LGALS12: variants seen among roughly 807,000 people sequenced by gnomAD.
LGALS12 encodes galectin-12.
LGALS12 carries 36 observed loss-of-function variants against 36.8 expected under a neutral mutation model. The observed-to-expected ratio is 0.98, with a 90% CI of 0.75 to 1.29. The LOEUF is 1.29. LGALS12 is among the 50% of genes most tolerant of loss of function. The pLI, the probability that LGALS12 is intolerant of heterozygous loss-of-function variation, is 0.00. For synonymous variants in LGALS12, 145 were observed against 155.9 expected (o/e 0.93, Z 0.52); for missense variants, 366 against 394.3 (o/e 0.93, Z 0.61).
In LGALS12 at chr11:63,506,273, C is replaced by A; in HGVS notation, c.-186C>A. ...ACCGGGAGTGGGGCTGGTGTGGAGC[C>A]TGGAGGTCGCCCGCTGCCCTCCTAG... On this transcript the variant is annotated 5_prime_UTR_variant, in exon 1 of 9. It adds an upstream start codon to the 5' untranslated region. Transcript: ENST00000394618. The A allele has an allele frequency of 9.2e-7, 1 of 1,084,194 alleles. No individual in the cohort carries two copies. Among genetic ancestry groups the A allele is most frequent in the South Asian group, 1.7e-5 (1 of 57,318 alleles). The allele number at this position is 1,084,194 out of a possible 1,614,324, so 67.2% of individuals were successfully genotyped here.
At chr11:63,516,175 T>C (rs2017076055) in intron 8 of LGALS12, 72 bp from the exon 9 acceptor site, 3 of 1,505,024 alleles carry the variant, frequency 2.0e-6, no homozygotes, top group Non-Finnish European at 2.6e-6. Flanking sequence ...AGGGTCTCAC[T>C]GGAGAGAGCG....
rs116983600 is a variant in LGALS12 at position 63,506,250 on chromosome 11, C to T, written c.-209C>T. 0.013 allele frequency: 10,375 copies of T among 825,954 alleles called. 105 individuals are homozygous for T. The highest frequency in any genetic ancestry group is 0.017 in the Non-Finnish European group (8,897 of 534,668). 51.2% of individuals were successfully genotyped at this position (825,954 alleles called of 1,614,324 possible). On this transcript the variant is annotated 5_prime_UTR_variant, in exon 1 of 9. Coordinates refer to ENST00000394618, the MANE Select transcript of LGALS12 (RefSeq NM_033101.4). ...CAGCCAGAGCTCTGCTGTATACCAC[C>T]GGGAGTGGGGCTGGTGTGGAGCCTG...
intron 7 of LGALS12, among the ~76,000 whole-genome samples, chr11:63,514,862 C>A (rs597671): frequency 6.6e-6 from 1 of 150,864 alleles, no homozygotes; most frequent in Non-Finnish European, 1.5e-5. Context: ...CATACATTAT[C>A]TCCTTTGTTC....
At position 63,511,782 on chromosome 11, in the gene LGALS12, G is replaced by T. The variant is rs1024681240; in HGVS notation, c.589G>T (p.Gly197Cys). 6.2e-7 allele frequency: 1 copy of T among 1,613,674 alleles called. No individual in the cohort carries two copies. Among genetic ancestry groups the T allele is most frequent in the Middle Eastern group, 1.6e-4 (1 of 6,062 alleles). ...EVPCSHALPQ[G>C]LSPGQVIIVR... ...GCCCTGCTCACATGCTCTTCCCCAG[G>T]GTCTCTCGCCTGGGCAGGTCATCAT... Residue 197 changes from glycine to cysteine, a missense_variant, in exon 7 of 9, where the codon GGT becomes TGT. Coordinates refer to ENST00000394618, the MANE Select transcript of LGALS12 (RefSeq NM_033101.4).
At position 63,516,592 on chromosome 11, in the gene LGALS12, C is replaced by T; in HGVS notation, c.*199C>T. The T allele has an allele frequency of 1.6e-6, 1 of 615,420 alleles. No homozygotes were observed. Among genetic ancestry groups the T allele is most frequent in the South Asian group, 2.0e-5 (1 of 50,972 alleles). 38.1% of individuals were successfully genotyped at this position (615,420 alleles called of 1,614,324 possible). On this transcript the variant is annotated 3_prime_UTR_variant, in exon 9 of 9. Transcript: ENST00000394618. Reference sequence around the variant, plus strand: ...GTGCAAAGGTTCCTCGAACTCTGCACCTTCCTCCACCAGGAGCCTGGGATA... The same window carrying T: ...GTGCAAAGGTTCCTCGAACTCTGCATCTTCCTCCACCAGGAGCCTGGGATA...
chr11:63,508,282 C>G, intron 1 of LGALS12: 1 of 1,317,682 alleles, frequency 7.6e-7, no homozygotes, highest in Non-Finnish European at 9.7e-7. Flanking sequence ...GTCCTAGGAG[C>G]TGGGGAAAGG....
chr11:63,511,709 C>T (rs752748546), intron 6 of LGALS12, 43 bp from the exon 7 acceptor site: 6 of 1,450,956 alleles, frequency 4.1e-6, no homozygotes, highest in African/African-American at 2.8e-5. Context: ...CCTCCCCAGT[C>T]CCCCTGGAAG....
chr11:63,515,503 T>A, intron 7 of LGALS12, 60 bp from the exon 8 acceptor site: 1 of 1,589,604 alleles, frequency 6.3e-7, no homozygotes, highest in African/African-American at 1.3e-5. Flanking sequence ...CCCTGGGGGC[T>A]GAGCAGCGGC....
chr11:63,513,760 A>G (rs1364301647), intron 7 of LGALS12, among the ~76,000 whole-genome samples: 2 of 152,164 alleles, frequency 1.3e-5, no homozygotes, highest in Admixed American at 1.3e-4. Context: ...TCTTCACCTC[A>G]TCCCTTCCCT....
chr11:63,511,681 C>A, intron 6 of LGALS12, 71 bp from the exon 7 acceptor site: 2 of 1,090,730 alleles, frequency 1.8e-6, no homozygotes, highest in African/African-American at 1.5e-5. Context: ...GCTCCCCTGG[C>A]CCCCGGGGAT....
At chr11:63,508,100 G>A (rs1203662487) in intron 1 of LGALS12, 2 of 1,022,240 alleles carry the variant, frequency 2.0e-6, no homozygotes, top group East Asian at 9.4e-5. Flanking sequence ...GCCTCTCCAG[G>A]GGTCCATTTC....
chr11:63,511,839 C>A lies in LGALS12; in HGVS notation c.646C>A (p.His216Asn), dbSNP rs34353827. 2,669 of 1,605,994 alleles carry A rather than the reference C, an allele frequency of 1.7e-3. 36 individuals carry two copies. In the African/African-American group the frequency reaches 0.029, roughly 18 times the overall value. Residue 216 changes from histidine to asparagine, a missense_variant and splice_region_variant, in exon 7 of 9, where the codon CAT (histidine) becomes AAT (asparagine). Coordinates refer to ENST00000394618, the MANE Select transcript of LGALS12 (RefSeq NM_033101.4). Reference protein sequence around the residue: ...VRGLVLQEPKHFTVSLRDQAA... With the variant: ...VRGLVLQEPKNFTVSLRDQAA... Reference sequence around the variant, plus strand: ...GGGACTGGTCTTGCAAGAGCCGAAGCAGTAAGTATCCAGCATCTAAGTGGA... The same window carrying A: ...GGGACTGGTCTTGCAAGAGCCGAAGAAGTAAGTATCCAGCATCTAAGTGGA...
intron 1 of LGALS12, chr11:63,508,105 C>T: frequency 9.8e-7 from 1 of 1,023,350 alleles, no homozygotes; most frequent in Non-Finnish European, 1.2e-6. Context: ...TCCAGGGGTC[C>T]ATTTCAGAGT....
chr11:63,512,967 GTTTTTAT>G (rs1565228027), intron 7 of LGALS12, among the ~76,000 whole-genome samples: 1 of 151,786 alleles, frequency 6.6e-6, no homozygotes, highest in African/African-American at 2.4e-5. Flanking sequence ...GCTTAATTTT[GTTTTTAT>G]TTTTAAGTCA....
intron 7 of LGALS12, among the ~76,000 whole-genome samples, chr11:63,512,966 T>C (rs2016973186): frequency 6.9e-6 from 1 of 145,720 alleles, no homozygotes; most frequent in African/African-American, 2.5e-5. Context: ...TGCTTAATTT[T>C]GTTTTTATTT....
intron 7 of LGALS12, among the ~76,000 whole-genome samples, chr11:63,512,796 A>AG (rs2134329096): frequency 6.6e-6 from 1 of 151,844 alleles, no homozygotes; most frequent in East Asian, 1.9e-4. Flanking sequence ...CTCAAAAAAA[A>AG]AAAAAAAAGA....
intron 7 of LGALS12, among the ~76,000 whole-genome samples, chr11:63,512,341 C>T (rs1182709697): frequency 6.6e-6 from 1 of 152,218 alleles, no homozygotes; most frequent in Non-Finnish European, 1.5e-5. Context: ...TCCAGTTAGA[C>T]AGGAGCCACT....
intron 1 of LGALS12, chr11:63,508,097 C>T (rs2016796692): frequency 1.9e-5 from 19 of 1,022,118 alleles, no homozygotes; most frequent in South Asian, 3.7e-5. Flanking sequence ...AGTGCCTCTC[C>T]AGGGGTCCAT....
chr11:63,515,777 A>T, intron 8 of LGALS12, 64 bp downstream of exon 8: 14 of 1,550,904 alleles, frequency 9.0e-6, no homozygotes, highest in Non-Finnish European at 1.1e-5. Context: ...TCCCATAATG[A>T]CCTGGGAGAT....
Sources: gnomAD v4.1 joint callset for allele counts (sites outside exome capture counted in the v4.1 genomes callset) on GRCh38, gnomAD v4.1.1 for gene constraint, MANE v1.5 for transcripts, NCBI Gene and HGNC (gene_info 2026-07-23, HGNC 2026-07-21) for gene names.